ANKFN1: variants seen among roughly 807,000 people sequenced by gnomAD.
The protein encoded by ANKFN1 is ankyrin repeat and fibronectin type-III domain-containing protein 1.
In ANKFN1, 74 loss-of-function variants were observed where a neutral mutation model predicts 108.7. The ratio of observed to expected loss-of-function variants is 0.68; its 90% confidence interval spans 0.56 to 0.83. ANKFN1 has a LOEUF of 0.83. Among genes scored for constraint, ANKFN1 ranks in the 40% least tolerant of loss-of-function variants. The pLI, the probability that ANKFN1 is intolerant of heterozygous loss-of-function variation, is 0.00. For synonymous variants in ANKFN1, 547 were observed against 516.2 expected, an observed-to-expected ratio of 1.06 and a Z score of -0.81; for missense variants, 1,505 against 1,382.3, an observed-to-expected ratio of 1.09 and a Z score of -1.41.
chr17:56,199,896 T>G (rs570724563), intron 1 of ANKFN1, among the ~76,000 whole-genome samples: 1 of 152,318 alleles, frequency 6.6e-6, no homozygotes. Context: ...CTAGTGCCAG[T>G]TCCAGTTCCT....
chr17:56,055,103 G>A (rs1363741869), intron 4 of ANKFN1, among the ~76,000 whole-genome samples: 5 of 151,432 alleles, frequency 3.3e-5, no homozygotes, highest in Admixed American at 2.6e-4. Context: ...GGTGCATGTG[G>A]TTGTTTATTA....
chr17:56,198,457 A>G (rs963497729), intron 1 of ANKFN1, among the ~76,000 whole-genome samples: 1 of 152,172 alleles, frequency 6.6e-6, no homozygotes, highest in Admixed American at 6.5e-5. Flanking sequence ...GTGACTATAA[A>G]TAGATGAAGC....
At chr17:56,231,308 A>G (rs1456416431) in intron 3 of ANKFN1, among the ~76,000 whole-genome samples, 2 of 152,174 alleles carry the variant, frequency 1.3e-5, no homozygotes, top group Non-Finnish European at 2.9e-5. Context: ...AGATCTATGC[A>G]TCAGAACTTT....
intron 3 of ANKFN1, among the ~76,000 whole-genome samples, chr17:56,249,453 A>T (rs1041816558): frequency 6.6e-6 from 1 of 152,018 alleles, no homozygotes; most frequent in Non-Finnish European, 1.5e-5. Context: ...AAAAAAAAAA[A>T]GTCAAATTAA....
intron 2 of ANKFN1, among the ~76,000 whole-genome samples, chr17:56,218,919 G>T (rs145722043): frequency 3.3e-5 from 5 of 151,886 alleles, no homozygotes; most frequent in African/African-American, 1.2e-4. Flanking sequence ...GGAAAATTTT[G>T]CCTTCATCTG....
At chr17:56,418,306 G>T (rs1291074028) in intron 8 of ANKFN1, among the ~76,000 whole-genome samples, 1 of 152,102 alleles carries the variant, frequency 6.6e-6, no homozygotes, top group African/African-American at 2.4e-5. Context: ...TAAAAATTTG[G>T]CCTTATGGAT....
rs75224704 is a variant in ANKFN1 at position 56,445,657 on chromosome 17, A to G, written c.1099+2724A>G. Among the ~76,000 whole-genome samples, 459 of 152,308 alleles carry G rather than the reference A, an allele frequency of 3.0e-3. 2 individuals carry two copies. The highest frequency in any genetic ancestry group is 0.011 in the African/African-American group (439 of 41,572). ...GTATTCAGATATTTACTAGAGGACA[A>G]TGTATTCTAACATGACAGGGTAATT... On this transcript the variant is annotated intron_variant, in intron 10 of 20. Transcript: ENST00000682825.
At chr17:56,053,445 C>A (rs1904812586) in intron 4 of ANKFN1, among the ~76,000 whole-genome samples, 1 of 152,174 alleles carries the variant, frequency 6.6e-6, no homozygotes, top group Non-Finnish European at 1.5e-5. Context: ...AACATAATCA[C>A]AACTTCATTT....
chr17:56,307,408 G>A (rs2044863194), intron 3 of ANKFN1, among the ~76,000 whole-genome samples: 1 of 152,196 alleles, frequency 6.6e-6, no homozygotes, highest in South Asian at 2.1e-4. Context: ...CCATCAAAAA[G>A]TGGGCGAAGG....
intron 3 of ANKFN1, among the ~76,000 whole-genome samples, chr17:56,322,004 G>A (rs914992129): frequency 3.3e-5 from 5 of 152,114 alleles, no homozygotes; most frequent in Non-Finnish European, 7.4e-5. Flanking sequence ...TGTTGCTAGA[G>A]GCAGCTCATC....
At chr17:56,335,699 C>A (rs965222514) in intron 4 of ANKFN1, among the ~76,000 whole-genome samples, 1 of 152,126 alleles carries the variant, frequency 6.6e-6, no homozygotes, top group African/African-American at 2.4e-5. Flanking sequence ...TAATTGAATA[C>A]CCTTTATTTC....
intron 4 of ANKFN1, among the ~76,000 whole-genome samples, chr17:56,136,557 A>G (rs1376805886): frequency 6.6e-6 from 1 of 152,180 alleles, no homozygotes; most frequent in East Asian, 1.9e-4. Context: ...AGAGGAAAAA[A>G]AGACCAAATA....
At chr17:56,091,422 A>T (rs1304628789) in intron 4 of ANKFN1, among the ~76,000 whole-genome samples, 3 of 108,076 alleles carry the variant, frequency 2.8e-5, no homozygotes, top group African/African-American at 1.2e-4. Context: ...AACAAATCAC[A>T]CACACACACA....
At chr17:56,319,669 G>A (rs914450877) in intron 3 of ANKFN1, among the ~76,000 whole-genome samples, 1 of 152,130 alleles carries the variant, frequency 6.6e-6, no homozygotes, top group Non-Finnish European at 1.5e-5. Flanking sequence ...ATGGCCTAGG[G>A]ATTGGTCATA....
intron 3 of ANKFN1, among the ~76,000 whole-genome samples, chr17:56,277,785 A>G (rs1230925894): frequency 6.6e-6 from 1 of 152,172 alleles, no homozygotes; most frequent in Non-Finnish European, 1.5e-5. Flanking sequence ...TGTACACTCA[A>G]AGAGAGATTT....
intron 11 of ANKFN1, among the ~76,000 whole-genome samples, chr17:56,456,399 C>CTT (rs2049696343): frequency 9.5e-6 from 1 of 105,644 alleles, no homozygotes; most frequent in African/African-American, 3.4e-5. Flanking sequence ...TTCTTTTTTT[C>CTT]TCTTTTTTTT....
chr17:56,127,951 C>A (rs574907857), intron 4 of ANKFN1, among the ~76,000 whole-genome samples: 32 of 152,318 alleles, frequency 2.1e-4, no homozygotes, highest in Admixed American at 5.9e-4. Flanking sequence ...GGCTTCTGCA[C>A]CTGCTATGTA....
chr17:56,358,455 A>T (rs770150433), intron 6 of ANKFN1, among the ~76,000 whole-genome samples: 22 of 152,142 alleles, frequency 1.4e-4, no homozygotes, highest in Non-Finnish European at 2.8e-4. Context: ...TTCCTTACTC[A>T]TAGAAAAATC....
chr17:56,075,367 G>A (rs1243997446), intron 4 of ANKFN1, among the ~76,000 whole-genome samples: 1 of 152,122 alleles, frequency 6.6e-6, no homozygotes, highest in East Asian at 1.9e-4. Flanking sequence ...GTAATTGCAG[G>A]TGTTCAAAAG....
Sources: gnomAD v4.1 joint callset for allele counts (sites outside exome capture counted in the v4.1 genomes callset) on GRCh38, gnomAD v4.1.1 for gene constraint, MANE v1.5 for transcripts, NCBI Gene and HGNC (gene_info 2026-07-23, HGNC 2026-07-21) for gene names.